Variants in SH3RF2 observed in about 807,000 individuals in gnomAD.
SH3RF2 encodes the protein SH3 domain containing ring finger 2, also known as E3 ubiquitin-protein ligase SH3RF2.
Under a neutral mutation model 59.0 loss-of-function variants are expected in SH3RF2, and 43 were observed. That is an observed-to-expected ratio of 0.73 (90% CI 0.57 to 0.94). SH3RF2 has a LOEUF of 0.94. Among genes scored for constraint, SH3RF2 ranks in the 40% least tolerant of loss-of-function variants. The pLI, the probability that SH3RF2 is intolerant of heterozygous loss-of-function variation, is 0.00. For synonymous variants in SH3RF2, 391 were observed against 391.5 expected (o/e 1.00, Z 0.01); for missense variants, 930 against 940.1 (o/e 0.99, Z 0.14).
At chr5:145,960,398 A>C (rs988321582) in intron 2 of SH3RF2, among the ~76,000 whole-genome samples, 1 of 152,242 alleles carries the variant, frequency 6.6e-6, no homozygotes, top group Non-Finnish European at 1.5e-5. Context: ...CCAGAAAAGA[A>C]GCTCTACCGG....
chr5:145,977,220 A>G (rs1452470403), intron 2 of SH3RF2, among the ~76,000 whole-genome samples: 1 of 152,348 alleles, frequency 6.6e-6, no homozygotes, highest in African/African-American at 2.4e-5. Context: ...AAAACAAAAG[A>G]CAAGACAAGG....
At chr5:146,031,513 T>C (rs181697089) in intron 5 of SH3RF2, among the ~76,000 whole-genome samples, 1 of 152,228 alleles carries the variant, frequency 6.6e-6, no homozygotes, top group East Asian at 1.9e-4. Context: ...TAATGAGGAA[T>C]TTAATAAAGA....
chr5:145,959,783 A>C (rs1324197370), intron 2 of SH3RF2, among the ~76,000 whole-genome samples: 1 of 151,888 alleles, frequency 6.6e-6, no homozygotes, highest in Admixed American at 6.6e-5. Context: ...CAATGCCCCA[A>C]ATGACTAAGT....
At chr5:146,010,536 A>T (rs1165352832) in intron 4 of SH3RF2, among the ~76,000 whole-genome samples, 2 of 152,260 alleles carry the variant, frequency 1.3e-5, no homozygotes, top group Non-Finnish European at 2.9e-5. Context: ...CCTCTCCAGC[A>T]CCTGTTGTTT....
At chr5:146,071,891 A>C (rs976497936) in intron 9 of SH3RF2, among the ~76,000 whole-genome samples, 1 of 152,220 alleles carries the variant, frequency 6.6e-6, no homozygotes, top group Non-Finnish European at 1.5e-5. Context: ...GGTATTGGGT[A>C]CATAGAATTG....
At chr5:146,002,376 A>G (rs1189096493) in intron 3 of SH3RF2, among the ~76,000 whole-genome samples, 3 of 151,970 alleles carry the variant, frequency 2.0e-5, no homozygotes, top group African/African-American at 7.3e-5. Context: ...GCTTGAACCC[A>G]GGAGGCGGAG....
At chr5:146,019,284 G>C (rs1210794605) in intron 5 of SH3RF2, among the ~76,000 whole-genome samples, 1 of 152,016 alleles carries the variant, frequency 6.6e-6, no homozygotes, top group Non-Finnish European at 1.5e-5. Context: ...GTTAACTTTG[G>C]TATATGGTGA....
intron 5 of SH3RF2, among the ~76,000 whole-genome samples, chr5:146,022,588 A>ATT: frequency 6.6e-6 from 1 of 152,120 alleles, no homozygotes; most frequent in East Asian, 1.9e-4. Context: ...AAAAATGAAC[A>ATT]ACAGGCCAGG....
chr5:145,980,138 A>G (rs529917092), intron 2 of SH3RF2, among the ~76,000 whole-genome samples: 1 of 152,264 alleles, frequency 6.6e-6, no homozygotes, highest in South Asian at 2.1e-4. Context: ...AGACACATAC[A>G]TTTTCTTCTA....
At chr5:146,009,604 A>G (rs1024179680) in intron 4 of SH3RF2, among the ~76,000 whole-genome samples, 3 of 151,026 alleles carry the variant, frequency 2.0e-5, no homozygotes, top group African/African-American at 7.3e-5. Context: ...TCCCCCAGTC[A>G]CTCTCTATCA....
intron 2 of SH3RF2, among the ~76,000 whole-genome samples, chr5:145,948,629 G>A (rs1192661952): frequency 6.6e-6 from 1 of 152,238 alleles, no homozygotes; most frequent in Non-Finnish European, 1.5e-5. Flanking sequence ...CAGACAAACT[G>A]CCAGTGTTAG....
At chr5:146,067,740 G>C (rs1763139282), downstream of SH3RF2, among the ~76,000 whole-genome samples, 1 of 152,060 alleles carries the variant, frequency 6.6e-6, no homozygotes, top group Non-Finnish European at 1.5e-5. Flanking sequence ...GGTTTGTACT[G>C]ATAGGTGAAC....
Position 146,005,482 on chromosome 5 carries a change from C to T in SH3RF2, c.744+1329C>T, listed in dbSNP as rs572926676. 2.6e-4 allele frequency among the ~76,000 whole-genome samples: 40 copies of T among 152,282 alleles called. 1 individual carries two copies. The highest frequency in any genetic ancestry group is 1.5e-3 in the South Asian group (7 of 4,822). On this transcript the variant is annotated intron_variant, in intron 4 of 9. Transcript: ENST00000359120. Reference sequence around the variant, plus strand: ...CTAGTCATAAGAGCTAAAGCAGGTTCTGAAATGAATGGTGTACCCAGAGCA... The same window carrying T: ...CTAGTCATAAGAGCTAAAGCAGGTTTTGAAATGAATGGTGTACCCAGAGCA...
At position 146,022,872 on chromosome 5, in the gene SH3RF2, T is replaced by TAA. The variant is rs1191486612; in HGVS notation, c.1059+8813_1059+8814dup. ...GAGTGACACAGAGCAAGGCTCCATC[T>TAA]AAACACACACACACACACACACACA... is the stretch of plus-strand genomic sequence containing the variant. On this transcript the variant is annotated intron_variant, in intron 5 of 9. Coordinates refer to ENST00000359120, the MANE Select transcript of SH3RF2 (RefSeq NM_152550.4). Among the ~76,000 whole-genome samples, 209 of 120,964 alleles carry TAA rather than the reference T, an allele frequency of 1.7e-3. 1 individual carries two copies. Among genetic ancestry groups the TAA allele is most frequent in the African/African-American group, 7.2e-3 (201 of 27,856 alleles). 79.4% of individuals were successfully genotyped at this position (120,964 alleles called of 152,430 possible).
intron 1 of SH3RF2, 145 bp from the exon 2 acceptor site, chr5:145,937,678 A>G (rs945753651): frequency 1.9e-6 from 1 of 521,734 alleles, no homozygotes; most frequent in Non-Finnish European, 3.4e-6. Flanking sequence ...ACCTGCTAGC[A>G]TTGAATCAGA....
At chr5:146,045,848 C>T (rs1235881653) in intron 5 of SH3RF2, among the ~76,000 whole-genome samples, 1 of 152,200 alleles carries the variant, frequency 6.6e-6, no homozygotes, top group East Asian at 1.9e-4. Flanking sequence ...ACACTAGAAA[C>T]AGATTTACTG....
intron 2 of SH3RF2, among the ~76,000 whole-genome samples, chr5:145,971,300 A>G (rs2149961926): frequency 6.6e-6 from 1 of 152,344 alleles, no homozygotes; most frequent in East Asian, 1.9e-4. Flanking sequence ...CAAGCCAATA[A>G]CAGTAGTCTG....
downstream of SH3RF2, among the ~76,000 whole-genome samples, chr5:146,068,193 T>C (rs1763149247): frequency 6.6e-6 from 1 of 152,234 alleles, no homozygotes; most frequent in East Asian, 1.9e-4. Context: ...TCCTCTGCCA[T>C]TGGTTTGGCA....
intron 8 of SH3RF2, among the ~76,000 whole-genome samples, chr5:146,058,819 G>C (rs1301145954): frequency 6.7e-6 from 1 of 149,104 alleles, no homozygotes; most frequent in African/African-American, 2.5e-5. Flanking sequence ...CTGCCTTCCA[G>C]AGAATTTGAG....
Sources: gnomAD v4.1 joint callset for allele counts (sites outside exome capture counted in the v4.1 genomes callset) on GRCh38, gnomAD v4.1.1 for gene constraint, MANE v1.5 for transcripts, NCBI Gene and HGNC (gene_info 2026-07-23, HGNC 2026-07-21) for gene names.